FSIP1: variants seen among roughly 807,000 people sequenced by gnomAD.
FSIP1 encodes fibrous sheath-interacting protein 1.
Under a neutral mutation model 60.9 loss-of-function variants are expected in FSIP1, and 65 were observed. The ratio of observed to expected loss-of-function variants is 1.07; its 90% CI spans 0.87 to 1.31. The LOEUF is 1.31. FSIP1 is among the 40% of genes most tolerant of loss of function. The pLI is 0.00. For missense variants in FSIP1, 675 were observed against 665.5 expected, an observed-to-expected ratio of 1.01 and a Z score of -0.16; for synonymous variants, 209 against 221.2, an observed-to-expected ratio of 0.94 and a Z score of 0.49.
intron 9 of FSIP1, among the ~76,000 whole-genome samples, chr15:39,718,618 G>A (rs964267926): frequency 1.3e-5 from 2 of 151,012 alleles, no homozygotes; most frequent in African/African-American, 4.9e-5. Flanking sequence ...AGCCTCTCAA[G>A]TTCAAGTGGC....
At chr15:39,687,134 TTCC>T (rs1235079905) in intron 10 of FSIP1, among the ~76,000 whole-genome samples, 32 of 99,984 alleles carry the variant, frequency 3.2e-4, no homozygotes, top group African/African-American at 4.6e-4. Context: ...TTCTTTTCTT[TTCC>T]TTTTTTTTTT....
chr15:39,661,217 A>AT (rs1893282994), intron 10 of FSIP1, among the ~76,000 whole-genome samples: 1 of 152,138 alleles, frequency 6.6e-6, no homozygotes, highest in Admixed American at 6.6e-5. Context: ...TTCCCTGGCA[A>AT]TTTTTTCTCC....
Position 39,608,762 on chromosome 15 carries a change from C to A in FSIP1, c.1700-7836G>T, listed in dbSNP as rs760526829. On this transcript the variant is annotated intron_variant, in intron 11 of 11. Transcript: ENST00000350221. Reference sequence around the variant, plus strand: ...ATGGGTGTTGCTCAGCTCCCATACCCCCAACAAAAATCCAACCAACTATTT... The same window carrying A: ...ATGGGTGTTGCTCAGCTCCCATACCACCAACAAAAATCCAACCAACTATTT... 4.6e-5 allele frequency among the ~76,000 whole-genome samples: 7 copies of A among 152,162 alleles called. No individual in the cohort carries two copies. The South Asian group carries it at 1.5e-3, about 32-fold the overall frequency.
chr15:39,778,332 C>G (rs1033845632), intron 1 of FSIP1, among the ~76,000 whole-genome samples: 1 of 152,172 alleles, frequency 6.6e-6, no homozygotes. Context: ...CACAGGCAAC[C>G]AACAATGACC....
intron 3 of FSIP1, among the ~76,000 whole-genome samples, chr15:39,768,689 A>T (rs915571997): frequency 6.6e-6 from 1 of 152,254 alleles, no homozygotes; most frequent in African/African-American, 2.4e-5. Flanking sequence ...TTAAAACAGG[A>T]AGAAGAAACT....
At chr15:39,598,015 G>A (rs2140354731), downstream of FSIP1, 1 of 152,208 alleles carries the variant, frequency 6.6e-6, no homozygotes, top group South Asian at 2.1e-4. Flanking sequence ...CAAAAAAGAA[G>A]ACTAAAAAAT....
At chr15:39,651,471 G>A (rs1328722119) in intron 10 of FSIP1, among the ~76,000 whole-genome samples, 1 of 152,202 alleles carries the variant, frequency 6.6e-6, no homozygotes, top group Non-Finnish European at 1.5e-5. Context: ...AATGAAAAGT[G>A]CATTATTTCC....
At chr15:39,651,745 GATTTGAAAGCCAA>G in intron 10 of FSIP1, among the ~76,000 whole-genome samples, 1 of 152,300 alleles carries the variant, frequency 6.6e-6, no homozygotes, top group East Asian at 1.9e-4. Flanking sequence ...ACCTCACTTC[GATTTGAAAGCCAA>G]TTCTTTCTGC....
At chr15:39,726,079 A>G (rs536809597) in intron 9 of FSIP1, among the ~76,000 whole-genome samples, 1 of 152,324 alleles carries the variant, frequency 6.6e-6, no homozygotes, top group Admixed American at 6.5e-5. Context: ...GGCATGAGCC[A>G]CCGCACCTGC....
intron 5 of FSIP1, among the ~76,000 whole-genome samples, chr15:39,752,539 A>G (rs974563530): frequency 1.3e-5 from 2 of 152,076 alleles, no homozygotes; most frequent in Admixed American, 1.3e-4. Context: ...TTTTCCTCCC[A>G]AAAACACATA....
chr15:39,758,451 G>A (rs1183036287), intron 5 of FSIP1, among the ~76,000 whole-genome samples: 4 of 151,820 alleles, frequency 2.6e-5, no homozygotes, highest in African/African-American at 9.7e-5. Flanking sequence ...CCAAACTATA[G>A]ACATTGAGAT....
chr15:39,764,042 T>TG (rs1595398145), intron 4 of FSIP1, 128 bp from the exon 5 acceptor site: 4 of 579,110 alleles, frequency 6.9e-6, no homozygotes, highest in Admixed American at 3.2e-5. Context: ...TTTTTTTTTT[T>TG]GAGGAAATCT....
chr15:39,750,028 T>C (rs568211446), intron 5 of FSIP1, among the ~76,000 whole-genome samples: 2 of 151,472 alleles, frequency 1.3e-5, no homozygotes, highest in Non-Finnish European at 3.0e-5. Flanking sequence ...CAACCTAGCC[T>C]AAAAAAATCA....
At chr15:39,622,797 G>A (rs374882954) in intron 10 of FSIP1, among the ~76,000 whole-genome samples, 17 of 152,224 alleles carry the variant, frequency 1.1e-4, no homozygotes, top group African/African-American at 3.9e-4. Flanking sequence ...ACTGCCACTC[G>A]CTGTAAATGA....
chr15:39,741,762 T>C (rs763614029), intron 6 of FSIP1, 43 bp downstream of exon 6: 46 of 953,276 alleles, frequency 4.8e-5, no homozygotes, highest in Non-Finnish European at 6.8e-5. Flanking sequence ...ACAGCCAGTA[T>C]TCCCTTGTGA....
rs1434975234 is a variant in FSIP1 at position 39,617,910 on chromosome 15, T to C, written c.1524A>G (p.Gln508=). The change falls in exon 11 of 12, where the codon CAA becomes CAG. Residue 508 remains glutamine, a synonymous_variant. Transcript: ENST00000350221. ...CACTAATAATAACGTCCTTGGAAAA[T>C]TGAAGGCATTTCATATTCTCTGCTT... ...VTEAENMKCL[Q]FSKDVIISDT... The C allele has an allele frequency of 9.9e-6, 16 of 1,614,048 alleles. No homozygotes were observed. The highest frequency in any genetic ancestry group is 3.3e-5 in the Admixed American group (2 of 60,012).
intron 10 of FSIP1, among the ~76,000 whole-genome samples, chr15:39,708,175 A>C (rs1171988113): frequency 6.6e-6 from 1 of 152,164 alleles, no homozygotes; most frequent in Non-Finnish European, 1.5e-5. Context: ...ACCTAATACC[A>C]TGGGAACCAA....
chr15:39,670,556 A>G (rs1893679223), intron 10 of FSIP1, among the ~76,000 whole-genome samples: 1 of 152,160 alleles, frequency 6.6e-6, no homozygotes, highest in African/African-American at 2.4e-5. Flanking sequence ...ATCATAGCTC[A>G]CTGCAGCCTC....
intron 9 of FSIP1, among the ~76,000 whole-genome samples, chr15:39,723,768 C>T (rs28436166): frequency 0.026 from 4,003 of 152,336 alleles, 75 homozygotes; most frequent in Non-Finnish European, 0.038. Flanking sequence ...GGATTAGCAA[C>T]TGATTGGAAC....
Sources: gnomAD v4.1 joint callset for allele counts (sites outside exome capture counted in the v4.1 genomes callset) on GRCh38, gnomAD v4.1.1 for gene constraint, MANE v1.5 for transcripts, NCBI Gene and HGNC (gene_info 2026-07-23, HGNC 2026-07-21) for gene names.